CHST9: variants seen among roughly 807,000 people sequenced by gnomAD.
The protein encoded by CHST9 is carbohydrate sulfotransferase 9.
A neutral mutation model predicts 44.4 loss-of-function variants in CHST9; 41 were observed. The ratio of observed to expected loss-of-function variants is 0.92; its 90% confidence interval spans 0.72 to 1.20. CHST9 has a LOEUF of 1.20. CHST9 is among the 50% of genes most tolerant of loss of function. The pLI, the probability that CHST9 is intolerant of heterozygous loss-of-function variation, is 0.00. For synonymous variants in CHST9, 171 were observed against 178.4 expected, an observed-to-expected ratio of 0.96 and a Z score of 0.33; for missense variants, 504 against 516.5, an observed-to-expected ratio of 0.98 and a Z score of 0.23.
chr18:27,075,908 A>C (rs67718506), intron 2 of CHST9, among the ~76,000 whole-genome samples: 19,035 of 152,192 alleles, frequency 0.13, 1,273 homozygotes, highest in African/African-American at 0.18. Flanking sequence ...GGAGCTCAAA[A>C]CATTTTAACA....
chr18:26,978,250 TTC>T (rs2056648519), intron 4 of CHST9, among the ~76,000 whole-genome samples: 1 of 150,082 alleles, frequency 6.7e-6, no homozygotes, highest in Non-Finnish European at 1.5e-5. Flanking sequence ...CCCGTTTCTT[TTC>T]TCTTTTTCTG....
chr18:26,952,218 A>T lies in CHST9; in HGVS notation c.203-7852T>A, dbSNP rs976785662. On this transcript the variant is annotated intron_variant, in intron 4 of 5. Transcript: ENST00000618847. ...CAAAAGCTGTTGGCATTTGGACCAA[A>T]CAAGGCTCCCCGGACTTCTGGCATC... The T allele has an allele frequency of 5.7e-6, 3 of 527,064 alleles. No individual in the cohort carries two copies. The Admixed American group carries it at 5.8e-5, about 10-fold the overall frequency. The allele number at this position is 527,064 out of a possible 1,614,324, so 32.6% of individuals were successfully genotyped here.
At chr18:27,100,669 A>G (rs2058162398) in intron 2 of CHST9, among the ~76,000 whole-genome samples, 1 of 152,214 alleles carries the variant, frequency 6.6e-6, no homozygotes, top group South Asian at 2.1e-4. Context: ...AAGTTAATGT[A>G]CAAAAATGTA....
intron 2 of CHST9, among the ~76,000 whole-genome samples, chr18:27,107,884 G>A (rs983002666): frequency 5.3e-5 from 8 of 152,204 alleles, no homozygotes; most frequent in South Asian, 4.2e-4. Context: ...ACAATGAAGC[G>A]GATCTTGCAG....
intron 1 of CHST9, among the ~76,000 whole-genome samples, chr18:27,145,434 T>C (rs972428487): frequency 1.3e-5 from 2 of 152,240 alleles, no homozygotes; most frequent in Non-Finnish European, 2.9e-5. Flanking sequence ...TCCTCCCGCC[T>C]CAGCCTCCCA....
chr18:26,953,420 T>C (rs185733533), intron 4 of CHST9, among the ~76,000 whole-genome samples: 2 of 152,184 alleles, frequency 1.3e-5, no homozygotes, highest in Non-Finnish European at 2.9e-5. Context: ...AATTATGGTT[T>C]TTTCAGCAGA....
At chr18:27,146,361 T>C (rs566925565) in intron 1 of CHST9, among the ~76,000 whole-genome samples, 99 of 152,162 alleles carry the variant, frequency 6.5e-4, no homozygotes, top group Non-Finnish European at 9.8e-4. Flanking sequence ...ATGTTTGATT[T>C]TCTCCCATCT....
At chr18:26,985,564 G>C (rs1247100669) in intron 4 of CHST9, among the ~76,000 whole-genome samples, 1 of 152,118 alleles carries the variant, frequency 6.6e-6, no homozygotes, top group Non-Finnish European at 1.5e-5. Flanking sequence ...GAGTTTAAGG[G>C]ACAAATATGA....
intron 2 of CHST9, among the ~76,000 whole-genome samples, chr18:27,084,822 C>A (rs1284900085): frequency 6.6e-6 from 1 of 151,910 alleles, no homozygotes; most frequent in Admixed American, 6.6e-5. Context: ...ACTGCTTTAG[C>A]TGTGTCCAGA....
At position 26,907,394 on chromosome 18, in the gene CHST9, C is replaced by T. The variant is rs1014667426; in HGVS notation, c.*8865G>A. ...CTTTGGTCATGTTGAGTTGGAAGCT[C>T]CAGTGAGACATCTAGATGAAGCAGT... On this transcript the variant is annotated 3_prime_UTR_variant, in exon 6 of 6. Transcript: ENST00000618847. 7 of 152,162 alleles carry T rather than the reference C, an allele frequency of 4.6e-5. No individual in the cohort carries two copies. The highest frequency in any genetic ancestry group is 2.1e-4 in the South Asian group (1 of 4,824). The allele number at this position is 152,162 out of a possible 1,614,324, so 9.4% of individuals were successfully genotyped here. A position where few individuals can be genotyped will look rare whatever the true frequency, so the allele number is the denominator to read the frequency against.
intron 5 of CHST9, among the ~76,000 whole-genome samples, chr18:26,922,434 T>A (rs951832977): frequency 1.3e-5 from 2 of 152,186 alleles, no homozygotes; most frequent in Non-Finnish European, 2.9e-5. Flanking sequence ...AAAACTCTTT[T>A]AACTGCAGCT....
At chr18:27,118,479 A>T (rs1229659934) in intron 2 of CHST9, among the ~76,000 whole-genome samples, 1 of 152,262 alleles carries the variant, frequency 6.6e-6, no homozygotes, top group Non-Finnish European at 1.5e-5. Flanking sequence ...TTCATTTTAC[A>T]CATGAGAAAA....
chr18:26,969,368 C>CTGTGTGTGTGTGTG (rs1435153900), intron 4 of CHST9, among the ~76,000 whole-genome samples: 6 of 94,018 alleles, frequency 6.4e-5, no homozygotes, highest in African/African-American at 2.3e-4. Context: ...GATTCTCTCT[C>CTGTGTGTGTGTGTG]TCTCTCTCTG....
intron 2 of CHST9, among the ~76,000 whole-genome samples, chr18:27,087,518 A>C (rs2058024356): frequency 6.6e-6 from 1 of 152,150 alleles, no homozygotes; most frequent in South Asian, 2.1e-4. Context: ...ACCTCCTTTT[A>C]ATAAGGAAAG....
intron 4 of CHST9, among the ~76,000 whole-genome samples, chr18:26,996,172 G>T (rs534953567): frequency 6.6e-6 from 1 of 152,170 alleles, no homozygotes; most frequent in African/African-American, 2.4e-5. Context: ...GATACCCAGG[G>T]TAGTCCGTCA....
intron 5 of CHST9, among the ~76,000 whole-genome samples, chr18:26,920,472 A>G (rs536994021): frequency 6.6e-6 from 1 of 152,182 alleles, no homozygotes; most frequent in Non-Finnish European, 1.5e-5. Context: ...CTGAGAAATG[A>G]TTTTATTTAT....
chr18:27,163,258 T>C (rs139144042), intron 1 of CHST9, among the ~76,000 whole-genome samples: 2,683 of 152,186 alleles, frequency 0.018, 66 homozygotes, highest in African/African-American at 0.059. Context: ...TACTCAGGGG[T>C]CAGGGACCCA....
At chr18:27,169,038 A>G (rs2058813510) in intron 1 of CHST9, among the ~76,000 whole-genome samples, 1 of 152,128 alleles carries the variant, frequency 6.6e-6, no homozygotes, top group South Asian at 2.1e-4. Context: ...TAGCTGCAAA[A>G]CACAGAATTC....
chr18:27,138,847 T>A (rs933499308), intron 2 of CHST9, among the ~76,000 whole-genome samples: 61 of 151,842 alleles, frequency 4.0e-4, no homozygotes, highest in African/African-American at 1.5e-3. Context: ...TTTTTCAAGA[T>A]CCTTCTGAAT....
Sources: gnomAD v4.1 joint callset for allele counts (sites outside exome capture counted in the v4.1 genomes callset) on GRCh38, gnomAD v4.1.1 for gene constraint, MANE v1.5 for transcripts, NCBI Gene and HGNC (gene_info 2026-07-23, HGNC 2026-07-21) for gene names.